Variants in PPIF observed in about 807,000 individuals in gnomAD.
PPIF encodes peptidyl-prolyl cis-trans isomerase F, mitochondrial.
PPIF carries 23 observed loss-of-function variants against 20.2 expected under a neutral mutation model. That is an observed-to-expected ratio of 1.14 (90% CI 0.82 to 1.61). PPIF has a LOEUF of 1.61. Among genes scored for constraint, PPIF ranks in the 40% most tolerant of loss-of-function variants. The probability of loss-of-function intolerance (pLI) is 0.00; values close to 1 mark genes in which losing one functional copy is unlikely to be tolerated. For synonymous variants in PPIF, 113 were observed against 123.1 expected (o/e 0.92, Z 0.54); for missense variants, 287 against 291.6 (o/e 0.98, Z 0.11).
At chr10:79,348,205 G>A (rs1403150486) in intron 1 of PPIF, among the ~76,000 whole-genome samples, 2 of 152,180 alleles carry the variant, frequency 1.3e-5, no homozygotes, top group Non-Finnish European at 2.9e-5. Context: ...TCACACTGGG[G>A]GTGCTGGGAA....
rs1421185267 is a variant in PPIF at position 79,353,935 on chromosome 10, A to G, written c.*93A>G. ...TGTCAGCCAAGGTGCCTGAAACGAT[A>G]CGTGTGCCCACTCCACTGTCACAGT... On this transcript the variant is annotated 3_prime_UTR_variant, in exon 6 of 6. Transcript: ENST00000225174. 11 of 1,342,482 alleles carry G rather than the reference A, an allele frequency of 8.2e-6. No individual in the cohort carries two copies. Among genetic ancestry groups the G allele is most frequent in the Non-Finnish European group, 1.0e-5 (10 of 966,470 alleles). The allele number at this position is 1,342,482 out of a possible 1,614,324, so 83.2% of individuals were successfully genotyped here. A position where few individuals can be genotyped will look rare whatever the true frequency, so the allele number is the denominator to read the frequency against.
rs1291853470 is a variant in PPIF, at chr10:79,354,349, G to A, written c.*507G>A. 1 of 154,900 alleles carries A rather than the reference G, an allele frequency of 6.5e-6. No homozygotes were observed. The highest frequency in any genetic ancestry group is 1.4e-5 in the Non-Finnish European group (1 of 69,388). The allele number at this position is 154,900 out of a possible 1,614,324, so 9.6% of individuals were successfully genotyped here. On this transcript the variant is annotated 3_prime_UTR_variant, in exon 6 of 6. Transcript: ENST00000225174. ...TTGGTGACACAGGCCACAGACCCCA[G>A]AGCTTGGCTTTTGAAACACAACTCA... is the stretch of plus-strand genomic sequence containing the variant.
At position 79,354,246 on chromosome 10, in the gene PPIF, T is replaced by C. The variant is rs544150041; in HGVS notation, c.*404T>C. On this transcript the variant is annotated 3_prime_UTR_variant, in exon 6 of 6. Coordinates refer to ENST00000225174, the MANE Select transcript of PPIF (RefSeq NM_005729.4). ...TACCTGTTTAATATTGTCTTCCTAA[T>C]TGGGATAATTTAATTAACAAGATTG... 1 of 188,736 alleles carries C rather than the reference T, an allele frequency of 5.3e-6. No homozygotes were observed. Among genetic ancestry groups the C allele is most frequent in the African/African-American group, 2.4e-5 (1 of 42,428 alleles). The allele number at this position is 188,736 out of a possible 1,614,324, so 11.7% of individuals were successfully genotyped here.
intron 3 of PPIF, chr10:79,350,095 C>G (rs1438473735): frequency 3.3e-6 from 1 of 301,898 alleles, no homozygotes; most frequent in East Asian, 7.6e-5. Context: ...CCCCTGTGTG[C>G]CCCTGAGCAC....
In PPIF at chr10:79,351,445, C is replaced by T; in HGVS notation, c.316-42C>T. ...CCAGCGCCAGGGCCGTGGCCCCCGC[C>T]TGCTCCATGGTAGCCACTCAGAAGG... On this transcript the variant is annotated intron_variant, in intron 3 of 5. Transcript: ENST00000225174. 3 of 1,602,484 alleles carry T rather than the reference C, an allele frequency of 1.9e-6. No homozygotes were observed. In the East Asian group the frequency reaches 6.7e-5, roughly 36 times the overall value.
intron 3 of PPIF, 67 bp from the exon 4 acceptor site, chr10:79,351,420 C>A: frequency 6.6e-7 from 1 of 1,522,350 alleles, no homozygotes; most frequent in South Asian, 1.2e-5. Context: ...GAGGCTGCTG[C>A]CAGCGCCAGG....
chr10:79,351,646 G>T lies in PPIF; in HGVS notation c.412+63G>T, dbSNP rs1227272457. 4.0e-6 allele frequency: 6 copies of T among 1,516,340 alleles called. No homozygotes were observed. The East Asian group carries it at 1.4e-4, about 35-fold the overall frequency. 93.9% of individuals were successfully genotyped at this position (1,516,340 alleles called of 1,614,324 possible). ...GCTCTGACCTGGCCTGGAAGCCCCA[G>T]CAGGCCCTGAGAGGCCACATGCAGT... On this transcript the variant is annotated intron_variant, in intron 4 of 5. Coordinates refer to ENST00000225174, the MANE Select transcript of PPIF (RefSeq NM_005729.4).
Position 79,352,242 on chromosome 10 carries a change from C to T in PPIF, c.413-75C>T, listed in dbSNP as rs573505324. 464 of 1,354,890 alleles carry T rather than the reference C, an allele frequency of 3.4e-4. 4 individuals carry two copies. The African/African-American group carries it at 6.0e-3, about 18-fold the overall frequency. The allele number at this position is 1,354,890 out of a possible 1,614,324, so 83.9% of individuals were successfully genotyped here. A position where few individuals can be genotyped will look rare whatever the true frequency, so the allele number is the denominator to read the frequency against. On this transcript the variant is annotated intron_variant, in intron 4 of 5. Transcript: ENST00000225174. ...CGAATGTCCCTGGTGTGGTTTGCAC[C>T]GTCTGCCCTTTCAAATGCCCTCCCA...
rs59038032 is a variant in PPIF, at chr10:79,354,978, G to A, written c.*1136G>A. The A allele has an allele frequency of 0.018, 2,761 of 152,470 alleles. 82 individuals are homozygous for A. The highest frequency in any genetic ancestry group is 0.059 in the African/African-American group (2,434 of 41,520). The allele number at this position is 152,470 out of a possible 1,614,324, so 9.4% of individuals were successfully genotyped here. On this transcript the variant is annotated 3_prime_UTR_variant, in exon 6 of 6. Coordinates refer to ENST00000225174, the MANE Select transcript of PPIF (RefSeq NM_005729.4). ...AGTCTGTTTCCCTCAGCTGCATAAG[G>A]AGGCGATATAGTTTGAATATTTGTC... is the stretch of plus-strand genomic sequence containing the variant.
At chr10:79,353,611 A>T (rs1290639746) in intron 5 of PPIF, 96 bp from the exon 6 acceptor site, 1 of 1,598,830 alleles carries the variant, frequency 6.3e-7, no homozygotes, top group Admixed American at 1.7e-5. Context: ...TTCTTTTCAG[A>T]ATTGCTGTTT....
In PPIF at chr10:79,354,285, C is replaced by T. The variant is rs1015383714; in HGVS notation, c.*443C>T. ...TTAACAAGATTGACTAGAAGTGAAACTGCAACACTAACTTCCCCGTGCTGT... is the reference window on the plus strand; with the variant it reads ...TTAACAAGATTGACTAGAAGTGAAATTGCAACACTAACTTCCCCGTGCTGT... On this transcript the variant is annotated 3_prime_UTR_variant, in exon 6 of 6. Transcript: ENST00000225174. The T allele has an allele frequency of 9.2e-5, 16 of 173,364 alleles. No homozygotes were observed. Among genetic ancestry groups the T allele is most frequent in the Non-Finnish European group, 1.8e-4 (14 of 79,984 alleles). The allele number at this position is 173,364 out of a possible 1,614,324, so 10.7% of individuals were successfully genotyped here.
chr10:79,348,574 T>C (rs1855932901), intron 1 of PPIF, among the ~76,000 whole-genome samples: 1 of 152,112 alleles, frequency 6.6e-6, no homozygotes, highest in Non-Finnish European at 1.5e-5. Context: ...TTCTGGAAAA[T>C]AGGGACACCC....
intron 5 of PPIF, 121 bp downstream of exon 5, chr10:79,352,513 C>G: frequency 1.0e-6 from 1 of 968,896 alleles, no homozygotes; most frequent in Non-Finnish European, 1.6e-6. Context: ...CAGTGGCCCT[C>G]TCCCAGGCTG....
At chr10:79,350,301 T>TTGGGGG (rs1413845475) in intron 3 of PPIF, among the ~76,000 whole-genome samples, 1 of 151,996 alleles carries the variant, frequency 6.6e-6, no homozygotes. Context: ...TGTCAGAGGT[T>TTGGGGG]TGGGGGTAGG....
chr10:79,353,908 G>T lies in PPIF; in HGVS notation c.*66G>T. 3 of 1,546,728 alleles carry T rather than the reference G, an allele frequency of 1.9e-6. No homozygotes were observed. Among genetic ancestry groups the T allele is most frequent in the Non-Finnish European group, 2.6e-6 (3 of 1,132,586 alleles). Reference sequence around the variant, plus strand: ...CCATGCACCCAGGTGGCCGCGTTGGGCTGTCAGCCAAGGTGCCTGAAACGA... The same window carrying T: ...CCATGCACCCAGGTGGCCGCGTTGGTCTGTCAGCCAAGGTGCCTGAAACGA... On this transcript the variant is annotated 3_prime_UTR_variant, in exon 6 of 6. Coordinates refer to ENST00000225174, the MANE Select transcript of PPIF (RefSeq NM_005729.4).
At position 79,351,574 on chromosome 10, in the gene PPIF, G is replaced by T. The variant is rs144470581; in HGVS notation, c.403G>T (p.Val135Leu). Residue 135 changes from valine to leucine, a missense_variant, in exon 4 of 6, where the codon GTG (valine) becomes TTG (leucine). Val to Leu is a conservative substitution (Grantham distance 32, BLOSUM62 1). Transcript: ENST00000225174. ...FPDENFTLKH[V>L]GPGVLSMANA... ...TGACGAGAACTTTACACTGAAGCACGTGGGGCCAGGTGAGTGGGGGCCTCC... is the reference window on the plus strand; with the variant it reads ...TGACGAGAACTTTACACTGAAGCACTTGGGGCCAGGTGAGTGGGGGCCTCC... 2.5e-6 allele frequency: 4 copies of T among 1,613,910 alleles called. No homozygotes were observed. The South Asian group carries it at 4.4e-5, about 18-fold the overall frequency.
chr10:79,349,372 TC>T (rs1855947404), intron 2 of PPIF, among the ~76,000 whole-genome samples: 1 of 152,210 alleles, frequency 6.6e-6, no homozygotes. Flanking sequence ...ACTTCCCCAC[TC>T]CTGGTGCCCA....
chr10:79,348,027 C>T (rs989187057), intron 1 of PPIF, among the ~76,000 whole-genome samples: 21 of 152,128 alleles, frequency 1.4e-4, no homozygotes, highest in African/African-American at 4.8e-4. Context: ...CCGGCCCGGG[C>T]ACGAGGGAGG....
intron 2 of PPIF, 150 bp downstream of exon 2, chr10:79,349,256 G>A (rs1304527504): frequency 4.5e-6 from 7 of 1,560,634 alleles, no homozygotes; most frequent in African/African-American, 2.7e-5. Context: ...GTGCTCTGGG[G>A]CAGCCCTGCC....
Sources: gnomAD v4.1 joint callset for allele counts (sites outside exome capture counted in the v4.1 genomes callset) on GRCh38, gnomAD v4.1.1 for gene constraint, MANE v1.5 for transcripts, NCBI Gene and HGNC (gene_info 2026-07-23, HGNC 2026-07-21) for gene names.